UCP3: variants seen among roughly 807,000 people sequenced by gnomAD.
UCP3 encodes putative mitochondrial transporter UCP3.
A neutral mutation model predicts 28.1 loss-of-function variants in UCP3; 24 were observed. That is an observed-to-expected ratio of 0.85 (90% CI 0.62 to 1.20). The LOEUF (loss-of-function observed/expected upper bound fraction) is 1.20, where lower values mean the gene tolerates loss of function less well. Among genes scored for constraint, UCP3 ranks in the 50% most tolerant of loss-of-function variants. UCP3 has a pLI of 0.00. For missense variants in UCP3, 397 were observed against 422.2 expected (o/e 0.94, Z 0.52); for synonymous variants, 184 against 171.2 (o/e 1.07, Z -0.59).
intron 6 of UCP3, 137 bp from the exon 7 acceptor site, chr11:74,001,663 G>GTCTC (rs3837411): frequency 7.0e-6 from 5 of 712,712 alleles, no homozygotes; most frequent in Admixed American, 2.5e-5. Flanking sequence ...AATCCTTTCA[G>GTCTC]TCTCTCTCTC....
chr11:74,006,012 C>T, intron 3 of UCP3, 79 bp from the exon 4 acceptor site: 1 of 1,573,344 alleles, frequency 6.4e-7, no homozygotes, highest in African/African-American at 1.3e-5. Context: ...CGGGGCTGCC[C>T]CTGCAGCTTC....
chr11:74,007,591 C>A (rs575401984), intron 1 of UCP3, among the ~76,000 whole-genome samples: 40 of 152,214 alleles, frequency 2.6e-4, no homozygotes, highest in Admixed American at 7.2e-4. Context: ...ATCACCATAC[C>A]CAGCTAATTT....
chr11:74,004,029 A>G (rs1314890966), intron 5 of UCP3, 22 bp from the exon 6 acceptor site: 1 of 1,613,160 alleles, frequency 6.2e-7, no homozygotes, highest in East Asian at 2.2e-5. Context: ...GGACAAGCAA[A>G]TATCAAGGAG....
chr11:74,006,119 C>A (rs1260031546), intron 3 of UCP3, 50 bp downstream of exon 3: 1 of 1,607,174 alleles, frequency 6.2e-7, no homozygotes, highest in Non-Finnish European at 8.5e-7. Flanking sequence ...GGTCTCTTGA[C>A]CCACACACTT....
intron 6 of UCP3, chr11:74,003,376 G>C (rs1951634862): frequency 1.2e-6 from 1 of 834,222 alleles, no homozygotes; most frequent in Non-Finnish European, 1.4e-6. Context: ...GAGAGTGTTA[G>C]GGAGGAGGTG....
intron 6 of UCP3, chr11:74,003,450 G>A (rs1250472807): frequency 1.4e-5 from 14 of 996,606 alleles, no homozygotes; most frequent in South Asian, 4.6e-5. Context: ...GGCATTCCAC[G>A]CAGAGGGAGC....
In UCP3 at chr11:74,004,662, G is replaced by T. The variant is rs6413538; in HGVS notation, c.542-77C>A. On this transcript the variant is annotated intron_variant, in intron 4 of 6. Transcript: ENST00000314032. Reference sequence around the variant, plus strand: ...GGGAAATGGGAGAAATGGATGCCCTGGCTGCAAGGCCACAGGCCCCAGTTT... The same window carrying T: ...GGGAAATGGGAGAAATGGATGCCCTTGCTGCAAGGCCACAGGCCCCAGTTT... The T allele has an allele frequency of 4.1e-3, 5,803 of 1,412,392 alleles. 17 individuals carry two copies. The highest frequency in any genetic ancestry group is 4.8e-3 in the Non-Finnish European group (4,904 of 1,012,020). 87.5% of individuals were successfully genotyped at this position (1,412,392 alleles called of 1,614,324 possible).
chr11:74,004,398 T>C, intron 5 of UCP3, 86 bp downstream of exon 5: 4 of 1,239,882 alleles, frequency 3.2e-6, no homozygotes, highest in Non-Finnish European at 4.6e-6. Context: ...TAAAACCCAG[T>C]TGCCTCTGGG....
In UCP3 at chr11:74,001,059, A is replaced by G; in HGVS notation, c.*353T>C. ...TTGCCATCCTTCCTGCTTATCATTC[A>G]TTATCTAACCAGATTTCACGGGGAT... On this transcript the variant is annotated 3_prime_UTR_variant, in exon 7 of 7. Coordinates refer to ENST00000314032, the MANE Select transcript of UCP3 (RefSeq NM_003356.4). 1 of 308,910 alleles carries G rather than the reference A, an allele frequency of 3.2e-6. No homozygotes were observed. Among genetic ancestry groups the G allele is most frequent in the Non-Finnish European group, 6.1e-6 (1 of 164,414 alleles). The allele number at this position is 308,910 out of a possible 1,614,324, so 19.1% of individuals were successfully genotyped here. A position where few individuals can be genotyped will look rare whatever the true frequency, so the allele number is the denominator to read the frequency against.
At position 74,005,725 on chromosome 11, in the gene UCP3, C is replaced by T. The variant is rs779487396; in HGVS notation, c.541+5G>A. The T allele has an allele frequency of 6.2e-7, 1 of 1,614,084 alleles. No homozygotes were observed. The highest frequency in any genetic ancestry group is 1.1e-5 in the South Asian group (1 of 91,088). On this transcript the variant is annotated splice_donor_5th_base_variant and intron_variant, in intron 4 of 6. Coordinates refer to ENST00000314032, the MANE Select transcript of UCP3 (RefSeq NM_003356.4). Reference sequence around the variant, plus strand: ...AGACCGCCTGCGTCCAGAGTCCAGACCTACCTTTCCACAGGCCCCTGACTC... The same window carrying T: ...AGACCGCCTGCGTCCAGAGTCCAGATCTACCTTTCCACAGGCCCCTGACTC...
chr11:74,004,825 C>A (rs1480955163), intron 4 of UCP3, among the ~76,000 whole-genome samples: 1 of 152,216 alleles, frequency 6.6e-6, no homozygotes, highest in East Asian at 1.9e-4. Context: ...CAGAGAGGCC[C>A]ACTTGTGTTC....
chr11:74,003,484 C>A (rs1416407025), intron 6 of UCP3: 1 of 1,017,570 alleles, frequency 9.8e-7, no homozygotes, highest in Non-Finnish European at 1.2e-6. Flanking sequence ...AAACGTGGAG[C>A]GTGTGGAGAC....
At position 74,003,641 on chromosome 11, in the gene UCP3, A is replaced by AC; in HGVS notation, c.824+185dup. The AC allele has an allele frequency of 2.1e-6, 3 of 1,421,940 alleles. No homozygotes were observed. The South Asian group carries it at 5.0e-5, about 23-fold the overall frequency. 88.1% of individuals were successfully genotyped at this position (1,421,940 alleles called of 1,614,324 possible). A position where few individuals can be genotyped will look rare whatever the true frequency, so the allele number is the denominator to read the frequency against. ...GTTTGTTCTCAGTCAGGCTTCCCTA[A>AC]CCCTCCCCATCAGGTATGGTTCACT... is the stretch of plus-strand genomic sequence containing the variant. On this transcript the variant is annotated intron_variant, in intron 6 of 6. Coordinates refer to ENST00000314032, the MANE Select transcript of UCP3 (RefSeq NM_003356.4).
In UCP3 at chr11:74,004,880, A is replaced by G. The variant is rs1298594734; in HGVS notation, c.542-295T>C. Among the ~76,000 whole-genome samples, 4 of 152,240 alleles carry G rather than the reference A, an allele frequency of 2.6e-5. No individual in the cohort carries two copies. The East Asian group carries it at 7.7e-4, about 29-fold the overall frequency. On this transcript the variant is annotated intron_variant, in intron 4 of 6. Transcript: ENST00000314032. ...GTGATCTGCAATAGCTGTCAAAATT[A>G]AAATATGCTTCCTGGAGACCCAGCT...
chr11:74,003,655 G>T, intron 6 of UCP3, 172 bp downstream of exon 6: 4 of 1,452,316 alleles, frequency 2.8e-6, no homozygotes, highest in Non-Finnish European at 3.6e-6. Context: ...TCCCCATCAG[G>T]TATGGTTCAC....
intron 6 of UCP3, chr11:74,001,806 C>T (rs1951623944): frequency 2.4e-6 from 1 of 409,222 alleles, no homozygotes; most frequent in Non-Finnish European, 4.5e-6. Flanking sequence ...CATGTTGCTG[C>T]CAGGCTCTTT....
intron 6 of UCP3, 58 bp from the exon 7 acceptor site, chr11:74,001,584 G>A (rs1375532020): frequency 1.0e-5 from 15 of 1,477,060 alleles, no homozygotes; most frequent in Non-Finnish European, 1.1e-5. Flanking sequence ...CAACAGATGC[G>A]TGTGCTCTCC....
At position 74,000,502 on chromosome 11, in the gene UCP3, A is replaced by C. The variant is rs1342109026; in HGVS notation, c.*910T>G. The C allele has an allele frequency of 6.6e-6, 1 of 151,666 alleles. No homozygotes were observed. The highest frequency in any genetic ancestry group is 1.5e-5 in the Non-Finnish European group (1 of 67,998). 9.4% of individuals were successfully genotyped at this position (151,666 alleles called of 1,614,324 possible). On this transcript the variant is annotated 3_prime_UTR_variant, in exon 7 of 7. Transcript: ENST00000314032. ...CTGTGGCTTCACGTCATCCACTGTC[A>C]CCTCTGGTCCCCAAGTCTCTGGATC...
chr11:74,005,985 G>A (rs1222080301), intron 3 of UCP3, 52 bp from the exon 4 acceptor site: 1 of 1,603,110 alleles, frequency 6.2e-7, no homozygotes, highest in Non-Finnish European at 8.5e-7. Context: ...CAGCATTCTG[G>A]GACATGCTGT....
Sources: allele counts gnomAD v4.1 joint callset (sites outside exome capture counted in the v4.1 genomes callset), GRCh38; gene constraint gnomAD v4.1.1; transcripts MANE v1.5; gene names NCBI Gene and HGNC (gene_info 2026-07-23, HGNC 2026-07-21).